Variants in SHE observed in about 807,000 individuals in gnomAD.
The protein encoded by SHE is SH2 domain-containing adapter protein E.
Under a neutral mutation model 49.8 loss-of-function variants are expected in SHE, and 11 were observed. That is an observed-to-expected ratio of 0.22 (90% CI 0.14 to 0.37). SHE has a LOEUF of 0.37. Ranked by LOEUF, SHE falls within the 10% of genes least tolerant of loss-of-function variation. The pLI is 1.00. For missense variants in SHE, 624 were observed against 655.5 expected, an observed-to-expected ratio of 0.95 and a Z score of 0.52; for synonymous variants, 310 against 278.1, an observed-to-expected ratio of 1.11 and a Z score of -1.14.
chr1:154,484,052 A>T lies in SHE; in HGVS notation c.*97T>A, dbSNP rs1395555796. 2 of 1,483,140 alleles carry T rather than the reference A, an allele frequency of 1.3e-6. No homozygotes were observed. The highest frequency in any genetic ancestry group is 4.7e-5 in the East Asian group (2 of 42,276). The allele number at this position is 1,483,140 out of a possible 1,614,324, so 91.9% of individuals were successfully genotyped here. A position where few individuals can be genotyped will look rare whatever the true frequency, so the allele number is the denominator to read the frequency against. On this transcript the variant is annotated 3_prime_UTR_variant, in exon 6 of 6. Coordinates refer to ENST00000304760, the MANE Select transcript of SHE (RefSeq NM_001010846.3). ...TTTTCAAGGAAGACTCCCATTTTCT[A>T]GCAGTTGCTAGTCCAGCCTTGTCCT...
intron 2 of SHE, among the ~76,000 whole-genome samples, chr1:154,494,195 T>C (rs536358481): frequency 6.6e-6 from 1 of 152,304 alleles, no homozygotes; most frequent in South Asian, 2.1e-4. Context: ...CTTTTAAAAT[T>C]ACTTTAATAT....
In SHE at chr1:154,479,686, T is replaced by C. The variant is rs923138022; in HGVS notation, c.*4463A>G. 31 of 981,542 alleles carry C rather than the reference T, an allele frequency of 3.2e-5. No homozygotes were observed. In the African/African-American group the frequency reaches 5.4e-4, roughly 17 times the overall value. The allele number at this position is 981,542 out of a possible 1,614,324, so 60.8% of individuals were successfully genotyped here. ...AGTTGAAACTATGTATTAGTTGATA[T>C]CTAAAATATTAAAGCCCCTGACAAA... is the stretch of plus-strand genomic sequence containing the variant. On this transcript the variant is annotated 3_prime_UTR_variant, in exon 6 of 6. Transcript: ENST00000304760.
chr1:154,475,650 T>C (rs1013611943), downstream of SHE, among the ~76,000 whole-genome samples: 1 of 152,176 alleles, frequency 6.6e-6, no homozygotes, highest in African/African-American at 2.4e-5. Flanking sequence ...AGTCCAATCA[T>C]ATTATACTGC....
Position 154,479,896 on chromosome 1 carries a change from G to A in SHE, c.*4253C>T. The A allele has an allele frequency of 1.0e-6, 1 of 985,410 alleles. No homozygotes were observed. The highest frequency in any genetic ancestry group is 1.2e-6 in the Non-Finnish European group (1 of 829,926). 61.0% of individuals were successfully genotyped at this position (985,410 alleles called of 1,614,324 possible). On this transcript the variant is annotated 3_prime_UTR_variant, in exon 6 of 6. Transcript: ENST00000304760. ...GCAGGAAAGGGCATTTTTCAAGATG[G>A]CAACTGCTGTGTCATCATTTTCCCT...
chr1:154,498,308 C>T (rs1033550325), intron 2 of SHE, among the ~76,000 whole-genome samples: 1 of 151,616 alleles, frequency 6.6e-6, no homozygotes, highest in Non-Finnish European at 1.5e-5. Flanking sequence ...GTTGGTCAGG[C>T]TGGTCTTGAA....
chr1:154,495,225 G>A (rs1008458885), intron 2 of SHE, among the ~76,000 whole-genome samples: 1 of 152,210 alleles, frequency 6.6e-6, no homozygotes, highest in Admixed American at 6.5e-5. Flanking sequence ...CGATGCTAAT[G>A]TTTCAAAGCG....
intron 1 of SHE, among the ~76,000 whole-genome samples, chr1:154,472,488 TGA>T (rs1691769150): frequency 6.6e-6 from 1 of 152,228 alleles, no homozygotes; most frequent in East Asian, 1.9e-4. Flanking sequence ...TGATCCATCC[TGA>T]GAGTGGCTGG....
Position 154,501,861 on chromosome 1 carries a change from C to A in SHE, c.166G>T (p.Ala56Ser), listed in dbSNP as rs866211817. 1.3e-6 allele frequency: 2 copies of A among 1,536,562 alleles called. No homozygotes were observed. Among genetic ancestry groups the A allele is most frequent in the African/African-American group, 1.4e-5 (1 of 72,428 alleles). Residue 56 changes from alanine to serine, a missense_variant, in exon 1 of 6, where the codon GCC becomes TCC. Ala to Ser is a moderately conservative substitution (Grantham distance 99, BLOSUM62 1). Around this residue, in one of 4 missense-constraint regions of SHE, gnomAD observed 337 missense variants for 306.0 expected, o/e 1.10. Transcript: ENST00000304760. ...PLNLKTVSERAKPGGGGGKLR... is the reference protein window; with the variant it reads ...PLNLKTVSERSKPGGGGGKLR... ...TTGCCGCCGCCGCCCCCGGGCTTGG[C>A]CCGCTCCGACACGGTCTTCAGGTTC...
Position 154,470,384 on chromosome 1 carries a change from A to G in SHE, c.103-22T>C, listed in dbSNP as rs11265620. On this transcript the variant is annotated intron_variant, in intron 1 of 1. Transcript: ENST00000486773. ...ATTTCTGTAGAGGATGGCAAGGAAT[A>G]TGCAGTTACTGGAGCAGCCTTCTAA... 794 of 1,289,200 alleles carry G rather than the reference A, an allele frequency of 6.2e-4. 5 individuals carry two copies. In the African/African-American group the frequency reaches 0.011, roughly 17 times the overall value. 79.9% of individuals were successfully genotyped at this position (1,289,200 alleles called of 1,614,324 possible).
chr1:154,497,139 C>T (rs1452743282), intron 2 of SHE, among the ~76,000 whole-genome samples: 1 of 152,202 alleles, frequency 6.6e-6, no homozygotes, highest in African/African-American at 2.4e-5. Flanking sequence ...ACACGGAGGG[C>T]CTTATCTCTG....
intron 1 of SHE, among the ~76,000 whole-genome samples, chr1:154,473,771 T>C (rs1015852254): frequency 6.6e-6 from 1 of 151,858 alleles, no homozygotes; most frequent in South Asian, 2.1e-4. Flanking sequence ...ACCACTGCCT[T>C]CCAACCTGGG....
chr1:154,488,543 C>T (rs1403445942), intron 3 of SHE, among the ~76,000 whole-genome samples: 3 of 151,788 alleles, frequency 2.0e-5, no homozygotes, highest in African/African-American at 7.3e-5. Context: ...CAGGTGTGAG[C>T]CACTGTGCCC....
chr1:154,480,218 C>G lies in SHE; in HGVS notation c.*3931G>C, dbSNP rs938655431. 5.1e-6 allele frequency: 5 copies of G among 985,254 alleles called. No individual in the cohort carries two copies. Among genetic ancestry groups the G allele is most frequent in the Non-Finnish European group, 6.0e-6 (5 of 829,954 alleles). 61.0% of individuals were successfully genotyped at this position (985,254 alleles called of 1,614,324 possible). ...GGAAAAATAGGAGACAACTAGTGAA[C>G]GAGAGATCTGTGAAGGGTTTCAGTG... On this transcript the variant is annotated 3_prime_UTR_variant, in exon 6 of 6. Coordinates refer to ENST00000304760, the MANE Select transcript of SHE (RefSeq NM_001010846.3).
At chr1:154,479,382 G>A (rs1490669465), downstream of SHE, 1 of 406,076 alleles carries the variant, frequency 2.5e-6, no homozygotes, top group Admixed American at 6.4e-5. Context: ...CATTAATGGT[G>A]ACTGCAAATG....
chr1:154,471,961 T>G (rs939210941), intron 1 of SHE, among the ~76,000 whole-genome samples: 1 of 152,024 alleles, frequency 6.6e-6, no homozygotes, highest in Non-Finnish European at 1.5e-5. Context: ...TCACTTGAGG[T>G]CAGGAGTTCA....
intron 2 of SHE, among the ~76,000 whole-genome samples, chr1:154,495,722 C>A (rs1392477412): frequency 1.7e-5 from 2 of 119,338 alleles, no homozygotes; most frequent in African/African-American, 5.8e-5. Context: ...CAGGACAGGG[C>A]CTAGTACATA....
At position 154,482,627 on chromosome 1, in the gene SHE, C is replaced by T; in HGVS notation, c.*1522G>A. On this transcript the variant is annotated 3_prime_UTR_variant, in exon 6 of 6. Transcript: ENST00000304760. ...GACCAACCCCAGAATACAGACACAT[C>T]TGCTGAATTTTAATTCTGGAGCCAT... 2 of 985,388 alleles carry T rather than the reference C, an allele frequency of 2.0e-6. No homozygotes were observed. The highest frequency in any genetic ancestry group is 1.0e-3 in the Middle Eastern group (2 of 1,914). The allele number at this position is 985,388 out of a possible 1,614,324, so 61.0% of individuals were successfully genotyped here.
rs1692028046 is a variant in SHE at position 154,481,901 on chromosome 1, G to A, written c.*2248C>T. 1 of 641,256 alleles carries A rather than the reference G, an allele frequency of 1.6e-6. No homozygotes were observed. The highest frequency in any genetic ancestry group is 2.0e-5 in the African/African-American group (1 of 50,434). 39.7% of individuals were successfully genotyped at this position (641,256 alleles called of 1,614,324 possible). A position where few individuals can be genotyped will look rare whatever the true frequency, so the allele number is the denominator to read the frequency against. On this transcript the variant is annotated 3_prime_UTR_variant, in exon 6 of 6. Coordinates refer to ENST00000304760, the MANE Select transcript of SHE (RefSeq NM_001010846.3). ...GTCTCACTCTGTCACTCAGGCTGGA[G>A]TGCAATGGTGCGATCATGGCTCGCT...
chr1:154,471,973 G>A (rs1691756728), intron 1 of SHE, among the ~76,000 whole-genome samples: 1 of 152,136 alleles, frequency 6.6e-6, no homozygotes, highest in East Asian at 1.9e-4. Flanking sequence ...AGGAGTTCAA[G>A]ACCAGCCTGG....
Sources: allele counts gnomAD v4.1 joint callset (sites outside exome capture counted in the v4.1 genomes callset), GRCh38; gene constraint gnomAD v4.1.1; regional missense constraint gnomAD v4.1.1; transcripts MANE v1.5; gene names NCBI Gene and HGNC (gene_info 2026-07-23, HGNC 2026-07-21).